Variants in GAS7 observed in about 807,000 individuals in gnomAD.
GAS7 encodes growth arrest specific 7.
GAS7 carries 28 observed loss-of-function variants against 71.1 expected under a neutral mutation model. That is an observed-to-expected ratio of 0.39 (90% CI 0.29 to 0.54). GAS7 has a LOEUF of 0.54. GAS7 is among the 20% of genes least tolerant of loss of function. GAS7 has a pLI of 0.62. For synonymous variants in GAS7, 258 were observed against 245.8 expected, an observed-to-expected ratio of 1.05 and a Z score of -0.46; for missense variants, 436 against 627.8, an observed-to-expected ratio of 0.69 and a Z score of 3.27.
intron 1 of GAS7, among the ~76,000 whole-genome samples, chr17:10,111,199 G>A (rs975415980): frequency 2.6e-5 from 4 of 152,004 alleles, no homozygotes; most frequent in Non-Finnish European, 5.9e-5. Flanking sequence ...TCAGGAGTTC[G>A]AGACCAGCCT....
At chr17:9,934,053 T>A (rs1363781601) in intron 9 of GAS7, 113 bp downstream of exon 9, 1 of 756,486 alleles carries the variant, frequency 1.3e-6, no homozygotes, top group Non-Finnish European at 2.4e-6. Context: ...GTTGATAGCC[T>A]GAAGTTTACA....
At chr17:10,030,861 AC>A (rs2072600907) in intron 1 of GAS7, among the ~76,000 whole-genome samples, 2 of 151,936 alleles carry the variant, frequency 1.3e-5, no homozygotes, top group Non-Finnish European at 2.9e-5. Context: ...TCAGACGCCC[AC>A]CCCCACCAGC....
chr17:9,926,455 C>A lies in GAS7; in HGVS notation c.1014+186G>T, dbSNP rs1597458353. Among the ~76,000 whole-genome samples the A allele has an allele frequency of 6.6e-6, 1 of 152,360 alleles. No homozygotes were observed. The highest frequency in any genetic ancestry group is 1.5e-5 in the Non-Finnish European group (1 of 68,036). ...TCATTCCAGCACCACAGGGAGGCAG[C>A]TCCTATCTGCCCTTGGATGGGTGGG... On this transcript the variant is annotated intron_variant, in intron 10 of 13. Coordinates refer to ENST00000432992, the MANE Select transcript of GAS7 (RefSeq NM_201433.2). The surrounding 1 kb of genome is among the most constrained non-coding windows in gnomAD (Gnocchi z 5.0).
chr17:10,088,093 T>C (rs957461351), intron 1 of GAS7, among the ~76,000 whole-genome samples: 1 of 151,908 alleles, frequency 6.6e-6, no homozygotes, highest in Non-Finnish European at 1.5e-5. Flanking sequence ...TGGTGGTGCA[T>C]GCCTGTGATC....
chr17:10,016,796 T>C (rs1394101661), intron 2 of GAS7, among the ~76,000 whole-genome samples: 1 of 118,860 alleles, frequency 8.4e-6, no homozygotes, highest in East Asian at 2.3e-4. Context: ...ATAATAATAA[T>C]ACAAAAAGCC....
chr17:10,000,608 C>T (rs16959219), intron 2 of GAS7, among the ~76,000 whole-genome samples: 35,841 of 152,028 alleles, frequency 0.24, 6,455 homozygotes, highest in African/African-American at 0.51. Context: ...ATACTCAGGT[C>T]GTCATGAAAG....
intron 1 of GAS7, among the ~76,000 whole-genome samples, chr17:10,152,620 A>G (rs2074174897): frequency 6.6e-6 from 1 of 152,208 alleles, no homozygotes; most frequent in Non-Finnish European, 1.5e-5. Flanking sequence ...GCCGTGTGCA[A>G]GGGGCCATGT....
chr17:9,993,305 T>C (rs1395848219), intron 2 of GAS7, among the ~76,000 whole-genome samples: 1 of 152,206 alleles, frequency 6.6e-6, no homozygotes, highest in Non-Finnish European at 1.5e-5. Context: ...TTCTAACTGG[T>C]GTGAGATGGT....
intron 1 of GAS7, among the ~76,000 whole-genome samples, chr17:10,057,619 G>C (rs1297047393): frequency 6.6e-6 from 1 of 150,844 alleles, no homozygotes; most frequent in Admixed American, 6.6e-5. Context: ...GCCCCGTCTG[G>C]GAGGGAGGTG....
intron 1 of GAS7, among the ~76,000 whole-genome samples, chr17:10,123,020 C>T (rs752057101): frequency 1.1e-4 from 17 of 152,150 alleles, no homozygotes; most frequent in Non-Finnish European, 1.6e-4. Context: ...TTTGAGGTGA[C>T]GGGGTCTCAC....
intron 1 of GAS7, among the ~76,000 whole-genome samples, chr17:10,075,181 C>T (rs1481488807): frequency 2.6e-5 from 4 of 151,798 alleles, no homozygotes; most frequent in Non-Finnish European, 4.4e-5. Context: ...CATGGTGAAA[C>T]CCCACCCCTA....
intron 1 of GAS7, among the ~76,000 whole-genome samples, chr17:10,172,618 T>TA (rs377210334): frequency 3.9e-5 from 6 of 152,358 alleles, no homozygotes; most frequent in African/African-American, 1.4e-4. Context: ...CTTTATAGCT[T>TA]AGGAAGGGCT....
chr17:10,105,074 C>T (rs181311305), intron 1 of GAS7, among the ~76,000 whole-genome samples: 1 of 152,236 alleles, frequency 6.6e-6, no homozygotes, highest in Non-Finnish European at 1.5e-5. Context: ...CCCTGACCTT[C>T]TAGCTCTGTG....
intron 1 of GAS7, among the ~76,000 whole-genome samples, chr17:10,173,684 C>T (rs867952504): frequency 6.6e-6 from 1 of 151,562 alleles, no homozygotes; most frequent in Non-Finnish European, 1.5e-5. Flanking sequence ...AAGAGAATGG[C>T]GTGAATGCGG....
At chr17:10,070,875 T>C (rs562289387) in intron 1 of GAS7, among the ~76,000 whole-genome samples, 16 of 151,326 alleles carry the variant, frequency 1.1e-4, no homozygotes, top group African/African-American at 3.6e-4. Flanking sequence ...ATACAGAGAG[T>C]AGAAGTCAGA....
intron 10 of GAS7, 150 bp from the exon 11 acceptor site, chr17:9,925,749 T>A: frequency 7.7e-6 from 6 of 777,642 alleles, no homozygotes; most frequent in Non-Finnish European, 1.2e-5. Context: ...GCAGCCAGAG[T>A]GGCACCACCC....
chr17:10,058,679 C>G lies in GAS7; in HGVS notation c.184-38782G>C, dbSNP rs961758464. Among the ~76,000 whole-genome samples, 3 of 152,166 alleles carry G rather than the reference C, an allele frequency of 2.0e-5. No homozygotes were observed. In the East Asian group the frequency reaches 5.8e-4, roughly 29 times the overall value. ...GCTGTGGCCTGCTATGGTGAGATGC[C>G]TTATAGTTTGCAACCCACTCTGCTC... On this transcript the variant is annotated intron_variant, in intron 1 of 13. Transcript: ENST00000432992.
chr17:9,925,633 C>T (rs74868627), intron 10 of GAS7, 34 bp from the exon 11 acceptor site: 1 of 1,613,148 alleles, frequency 6.2e-7, no homozygotes, highest in African/African-American at 1.3e-5. Flanking sequence ...GCTGCTCATA[C>T]AGCTCGGAGC....
At chr17:10,136,760 C>A (rs561222081) in intron 1 of GAS7, among the ~76,000 whole-genome samples, 1 of 152,136 alleles carries the variant, frequency 6.6e-6, no homozygotes, top group African/African-American at 2.4e-5. Context: ...CTTCCCTTCA[C>A]GCTTAGAAAA....
Sources: allele counts gnomAD v4.1 joint callset (sites outside exome capture counted in the v4.1 genomes callset), GRCh38; gene constraint gnomAD v4.1.1; non-coding constraint Gnocchi (gnomAD v3.1); transcripts MANE v1.5; gene names NCBI Gene and HGNC (gene_info 2026-07-23, HGNC 2026-07-21).